The following KCNAB1 variants were observed in gnomAD, a reference collection of about 807,000 sequenced individuals.
The protein encoded by KCNAB1 is voltage-gated potassium channel subunit beta-1.
In KCNAB1, 35 loss-of-function variants were observed where a neutral mutation model predicts 64.6. That is an observed-to-expected ratio of 0.54 (90% confidence interval 0.41 to 0.72). The LOEUF (loss-of-function observed/expected upper bound fraction) is 0.72. Ranked by LOEUF, KCNAB1 falls within the 30% of genes least tolerant of loss-of-function variation. The pLI is 0.00. For missense variants in KCNAB1, 401 were observed against 512.9 expected (o/e 0.78, Z 2.11); for synonymous variants, 177 against 183.8 (o/e 0.96, Z 0.30).
intron 1 of KCNAB1, among the ~76,000 whole-genome samples, chr3:156,221,638 C>T: frequency 6.6e-6 from 1 of 151,960 alleles, no homozygotes. Context: ...ATTAGCCGGA[C>T]ATGGTGGTGG....
intron 1 of KCNAB1, among the ~76,000 whole-genome samples, chr3:156,165,988 C>T (rs1354498348): frequency 6.6e-6 from 1 of 152,088 alleles, no homozygotes; most frequent in African/African-American, 2.4e-5. Context: ...AAGCCTTTTG[C>T]GATGTTGGGA....
chr3:156,130,657 T>C lies in KCNAB1; in HGVS notation c.275+9771T>C, dbSNP rs140224776. ...ATCTCAACTCAACAGAATGGCTCCC[T>C]GCCCTAGTTTGGGTTGATTATTGAT... is the stretch of plus-strand genomic sequence containing the variant. On this transcript the variant is annotated intron_variant, in intron 1 of 13. Coordinates refer to ENST00000490337, the MANE Select transcript of KCNAB1 (RefSeq NM_172160.3). Among the ~76,000 whole-genome samples, 487 of 152,388 alleles carry C rather than the reference T, an allele frequency of 3.2e-3. 2 individuals carry two copies. The highest frequency in any genetic ancestry group is 0.011 in the African/African-American group (457 of 41,596).
At chr3:156,135,213 T>C (rs1714268934) in intron 1 of KCNAB1, among the ~76,000 whole-genome samples, 1 of 152,094 alleles carries the variant, frequency 6.6e-6, no homozygotes, top group African/African-American at 2.4e-5. Context: ...GCCAGGCTGA[T>C]CTCAAACTCC....
upstream of KCNAB1, among the ~76,000 whole-genome samples, chr3:156,120,123 A>G (rs1035247100): frequency 2.0e-5 from 3 of 152,216 alleles, no homozygotes; most frequent in Non-Finnish European, 4.4e-5. Context: ...TTTCCCTTGC[A>G]TTGATACTGT....
intron 1 of KCNAB1, among the ~76,000 whole-genome samples, chr3:156,362,742 C>G (rs950480981): frequency 1.9e-4 from 29 of 152,130 alleles, no homozygotes; most frequent in African/African-American, 6.3e-4. Flanking sequence ...GTTGTATTCT[C>G]TAGACCATTA....
chr3:156,203,439 A>G (rs746889711), intron 1 of KCNAB1, among the ~76,000 whole-genome samples: 2 of 152,240 alleles, frequency 1.3e-5, no homozygotes, highest in African/African-American at 4.8e-5. Context: ...TCCAGCCCAC[A>G]TTATTAATGA....
intron 1 of KCNAB1, among the ~76,000 whole-genome samples, chr3:156,240,647 C>T (rs530496893): frequency 6.6e-6 from 1 of 152,274 alleles, no homozygotes; most frequent in South Asian, 2.1e-4. Context: ...ACCATCCTAT[C>T]CGCTTCTCCT....
intron 1 of KCNAB1, among the ~76,000 whole-genome samples, chr3:156,369,887 G>A (rs916237053): frequency 6.6e-6 from 1 of 152,126 alleles, no homozygotes; most frequent in African/African-American, 2.4e-5. Flanking sequence ...GTCACATCAT[G>A]GAGATTAGTT....
intron 1 of KCNAB1, among the ~76,000 whole-genome samples, chr3:156,341,014 C>A (rs569056585): frequency 1.3e-5 from 2 of 152,314 alleles, no homozygotes; most frequent in East Asian, 3.9e-4. Flanking sequence ...AAAAGAGACA[C>A]TCCTCCTGTT....
chr3:156,288,885 C>A (rs1042226482), intron 1 of KCNAB1, among the ~76,000 whole-genome samples: 3 of 152,188 alleles, frequency 2.0e-5, no homozygotes, highest in Non-Finnish European at 4.4e-5. Context: ...TTTAAGGAAT[C>A]AAGTTTATCC....
chr3:156,513,324 T>C (rs1050683229), intron 8 of KCNAB1, among the ~76,000 whole-genome samples: 2 of 151,800 alleles, frequency 1.3e-5, no homozygotes, highest in Non-Finnish European at 2.9e-5. Flanking sequence ...ATCTAGACAG[T>C]GCCTGCTCAT....
chr3:156,195,024 G>C (rs1057103127), intron 1 of KCNAB1, among the ~76,000 whole-genome samples: 2 of 152,110 alleles, frequency 1.3e-5, no homozygotes, highest in Admixed American at 1.3e-4. Flanking sequence ...TTGTGAGCGA[G>C]AACATGCAAT....
At position 156,176,470 on chromosome 3, in the gene KCNAB1, C is replaced by A. The variant is rs530842265; in HGVS notation, c.275+55584C>A. 3 of 787,528 alleles carry A rather than the reference C, an allele frequency of 3.8e-6. No individual in the cohort carries two copies. In the South Asian group the frequency reaches 4.0e-5, roughly 11 times the overall value. The allele number at this position is 787,528 out of a possible 1,614,324, so 48.8% of individuals were successfully genotyped here. ...TCACAAAGGAAGTATGTCCCTTTAG[C>A]GTTTTAACCCTCTTGCCCGTTTCAC... On this transcript the variant is annotated intron_variant, in intron 1 of 13. Coordinates refer to ENST00000490337, the MANE Select transcript of KCNAB1 (RefSeq NM_172160.3).
intron 1 of KCNAB1, among the ~76,000 whole-genome samples, chr3:156,351,565 G>A (rs2108085663): frequency 6.6e-6 from 1 of 152,250 alleles, no homozygotes; most frequent in African/African-American, 2.4e-5. Context: ...GCAAACTTCT[G>A]GACTCACACA....
intron 1 of KCNAB1, among the ~76,000 whole-genome samples, chr3:156,256,181 GT>G (rs931177351): frequency 1.8e-4 from 28 of 152,180 alleles, no homozygotes; most frequent in Non-Finnish European, 3.4e-4. Flanking sequence ...ATGAAAAAGT[GT>G]TATGTTTTCA....
intron 1 of KCNAB1, among the ~76,000 whole-genome samples, chr3:156,402,496 CA>C (rs760769478): frequency 6.6e-5 from 10 of 152,182 alleles, no homozygotes; most frequent in Non-Finnish European, 1.0e-4. Context: ...ACTGAATCTA[CA>C]TTCCTCCAAC....
chr3:156,119,655 C>T (rs1023313430), upstream of KCNAB1, among the ~76,000 whole-genome samples: 3 of 152,120 alleles, frequency 2.0e-5, no homozygotes, highest in Admixed American at 1.3e-4. Flanking sequence ...TGGTGCTTAA[C>T]GGGTCACTAA....
At chr3:156,377,770 T>C (rs112482220) in intron 1 of KCNAB1, among the ~76,000 whole-genome samples, 157 of 152,108 alleles carry the variant, frequency 1.0e-3, no homozygotes, top group African/African-American at 3.7e-3. Context: ...AAAATAGCTT[T>C]TCAAGTTCAT....
intron 1 of KCNAB1, chr3:156,143,449 A>G (rs1421652834): frequency 1.4e-6 from 2 of 1,467,616 alleles, no homozygotes; most frequent in Non-Finnish European, 1.8e-6. Flanking sequence ...TCATCCAACC[A>G]GGGCACTGCA....
Sources: gnomAD v4.1 joint callset for allele counts (sites outside exome capture counted in the v4.1 genomes callset) on GRCh38, gnomAD v4.1.1 for gene constraint, MANE v1.5 for transcripts, NCBI Gene and HGNC (gene_info 2026-07-23, HGNC 2026-07-21) for gene names.